The following SGMS1 variants were observed in gnomAD, a reference collection of about 807,000 sequenced individuals.
The protein encoded by SGMS1 is phosphatidylcholine:ceramide cholinephosphotransferase 1.
Under a neutral mutation model 46.2 loss-of-function variants are expected in SGMS1, and 13 were observed. The ratio of observed to expected loss-of-function variants is 0.28; its 90% CI spans 0.18 to 0.45. The LOEUF is 0.45. Ranked by LOEUF, SGMS1 falls within the 20% of genes least tolerant of loss-of-function variation. The probability of loss-of-function intolerance (pLI) is 1.00; values close to 1 mark genes in which losing one functional copy is unlikely to be tolerated. For missense variants in SGMS1, 324 were observed against 519.9 expected (o/e 0.62, Z 3.66); for synonymous variants, 203 against 187.8 (o/e 1.08, Z -0.66).
At chr10:50,577,125 T>G (rs1838392246) in intron 2 of SGMS1, among the ~76,000 whole-genome samples, 2 of 152,318 alleles carry the variant, frequency 1.3e-5, no homozygotes, top group Middle Eastern at 6.8e-3. Context: ...TTTGGAAGAC[T>G]CAGGCTGCTT....
chr10:50,366,027 T>C (rs1848337230), intron 6 of SGMS1, among the ~76,000 whole-genome samples: 1 of 152,130 alleles, frequency 6.6e-6, no homozygotes, highest in African/African-American at 2.4e-5. Flanking sequence ...GTAAGTAATA[T>C]GTTGGGTCAA....
At chr10:50,562,363 C>CGT (rs1006951673) in intron 2 of SGMS1, among the ~76,000 whole-genome samples, 1 of 121,420 alleles carries the variant, frequency 8.2e-6, no homozygotes, top group Non-Finnish European at 1.8e-5. Flanking sequence ...TGTGCGCGCG[C>CGT]GCACACACAC....
At chr10:50,521,533 A>G (rs1416610724) in intron 2 of SGMS1, among the ~76,000 whole-genome samples, 1 of 152,130 alleles carries the variant, frequency 6.6e-6, no homozygotes, top group Non-Finnish European at 1.5e-5. Context: ...CTTTCCTCCA[A>G]TTCAGATCCA....
At chr10:50,623,987 G>A, upstream of SGMS1, 1 of 985,378 alleles carries the variant, frequency 1.0e-6, no homozygotes. Flanking sequence ...TGCCCGAGCC[G>A]GCCCGGCTTC....
intron 1 of SGMS1, among the ~76,000 whole-genome samples, chr10:50,597,413 C>T (rs1454806798): frequency 1.3e-5 from 2 of 152,294 alleles, no homozygotes; most frequent in South Asian, 2.1e-4. Context: ...AACCATGGCA[C>T]ATCCATACAA....
intron 6 of SGMS1, among the ~76,000 whole-genome samples, chr10:50,367,640 G>C (rs75504026): frequency 2.0e-4 from 30 of 152,266 alleles, no homozygotes; most frequent in African/African-American, 6.7e-4. Flanking sequence ...AATGCATTAA[G>C]GTTTTCTTTT....
intron 2 of SGMS1, among the ~76,000 whole-genome samples, chr10:50,564,892 C>T (rs992841809): frequency 2.0e-5 from 3 of 151,852 alleles, no homozygotes; most frequent in South Asian, 4.1e-4. Context: ...AAAAGGGCTA[C>T]GTTCACACTG....
chr10:50,362,721 C>T (rs1025198094), intron 6 of SGMS1, among the ~76,000 whole-genome samples: 1 of 151,986 alleles, frequency 6.6e-6, no homozygotes, highest in East Asian at 1.9e-4. Context: ...GTTTACCAAA[C>T]CATGAATTTG....
At chr10:50,569,347 A>T (rs949582365) in intron 2 of SGMS1, among the ~76,000 whole-genome samples, 2 of 151,228 alleles carry the variant, frequency 1.3e-5, no homozygotes, top group African/African-American at 4.8e-5. Context: ...TTTTTTGGAA[A>T]GGATGAAAAG....
chr10:50,441,127 T>C (rs1426849388), intron 5 of SGMS1, among the ~76,000 whole-genome samples: 3 of 152,206 alleles, frequency 2.0e-5, no homozygotes, highest in African/African-American at 7.2e-5. Context: ...ACTCCCTCAG[T>C]TTCATGCTTT....
intron 2 of SGMS1, among the ~76,000 whole-genome samples, chr10:50,566,946 T>C (rs1008190689): frequency 1.6e-4 from 24 of 152,156 alleles, no homozygotes; most frequent in African/African-American, 5.8e-4. Flanking sequence ...TTGTTGTTGT[T>C]GTCGTTGTTG....
At chr10:50,356,931 T>G in intron 6 of SGMS1, among the ~76,000 whole-genome samples, 1 of 148,070 alleles carries the variant, frequency 6.8e-6, no homozygotes, top group Non-Finnish European at 1.5e-5. Flanking sequence ...GTGGGGGGAG[T>G]GGGGAGGGAT....
chr10:50,347,469 G>A (rs966655906), intron 6 of SGMS1, among the ~76,000 whole-genome samples: 2 of 152,158 alleles, frequency 1.3e-5, no homozygotes, highest in African/African-American at 4.8e-5. Flanking sequence ...ACTGCCCAGA[G>A]AGTGTCAAGA....
At chr10:50,356,320 G>A (rs1039249707) in intron 6 of SGMS1, among the ~76,000 whole-genome samples, 1 of 152,160 alleles carries the variant, frequency 6.6e-6, no homozygotes, top group African/African-American at 2.4e-5. Context: ...ATTAAGGGCG[G>A]TGCAAGATGT....
intron 3 of SGMS1, among the ~76,000 whole-genome samples, chr10:50,487,036 C>T (rs1318357798): frequency 6.6e-6 from 1 of 152,114 alleles, no homozygotes; most frequent in East Asian, 1.9e-4. Context: ...AGGCCATTAT[C>T]CTTAGCCATC....
chr10:50,384,454 CTCCT>C (rs140611953), intron 6 of SGMS1, among the ~76,000 whole-genome samples: 25,396 of 147,626 alleles, frequency 0.17, 2,457 homozygotes, highest in African/African-American at 0.26. Context: ...CTCTCTTTCT[CTCCT>C]TCCTTCCTTC....
At position 50,344,119 on chromosome 10, in the gene SGMS1, C is replaced by T; in HGVS notation, c.-5G>A. ...CCAATAAACCACTTCCTTCATTGTA[C>T]TGGCAGACAGCAGGCAGTCCCCAGC... On this transcript the variant is annotated 5_prime_UTR_variant, in exon 7 of 11. Transcript: ENST00000361781. The T allele has an allele frequency of 6.3e-7, 1 of 1,595,754 alleles. No individual in the cohort carries two copies. The highest frequency in any genetic ancestry group is 1.3e-5 in the African/African-American group (1 of 74,502).
At chr10:50,464,318 A>T (rs1837303361) in intron 4 of SGMS1, among the ~76,000 whole-genome samples, 1 of 152,228 alleles carries the variant, frequency 6.6e-6, no homozygotes. Context: ...ACCACTGCTG[A>T]CTTTAAAGAT....
chr10:50,494,908 C>T lies in SGMS1; in HGVS notation c.-498+24923G>A, dbSNP rs576208895. 1.9e-4 allele frequency among the ~76,000 whole-genome samples: 29 copies of T among 151,516 alleles called. No homozygotes were observed. In the East Asian group the frequency reaches 4.6e-3, roughly 24 times the overall value. ...AAAATTAGCCGGGCATAGTGGCGGG[C>T]ACCTGTAGTCCCAGCTACTTGGGAG... On this transcript the variant is annotated intron_variant, in intron 3 of 10. Coordinates refer to ENST00000361781, the MANE Select transcript of SGMS1 (RefSeq NM_147156.4).
Sources: gnomAD v4.1 joint callset for allele counts (sites outside exome capture counted in the v4.1 genomes callset) on GRCh38, gnomAD v4.1.1 for gene constraint, MANE v1.5 for transcripts, NCBI Gene and HGNC (gene_info 2026-07-23, HGNC 2026-07-21) for gene names.